The following SOX5 variants were observed in gnomAD, a reference collection of about 807,000 sequenced individuals.
SOX5 encodes the protein transcription factor SOX-5.
A neutral mutation model predicts 92.0 loss-of-function variants in SOX5; 9 were observed. The observed-to-expected ratio is 0.10, with a 90% CI of 0.06 to 0.17. SOX5 has a LOEUF of 0.17. Among genes scored for constraint, SOX5 ranks in the 10% least tolerant of loss-of-function variants. SOX5 has a pLI of 1.00. For missense variants in SOX5, 642 were observed against 944.5 expected (o/e 0.68, Z 4.20); for synonymous variants, 344 against 336.3 (o/e 1.02, Z -0.25).
In SOX5 at chr12:23,536,701, G is replaced by T. The variant is rs1940546920; in HGVS notation, c.1772-32C>A. 5.3e-6 allele frequency: 8 copies of T among 1,520,118 alleles called. No individual in the cohort carries two copies. The African/African-American group carries it at 5.5e-5, about 10-fold the overall frequency. The allele number at this position is 1,520,118 out of a possible 1,614,324, so 94.2% of individuals were successfully genotyped here. ...AGAAAGGAGGTTAGGATTCCAATTT[G>T]CACAGCTTCTAAGCATTCCAGAAAG... On this transcript the variant is annotated intron_variant, in intron 13 of 14. Coordinates refer to ENST00000451604, the MANE Select transcript of SOX5 (RefSeq NM_006940.6).
At chr12:23,546,742 GT>G (rs1943212765) in intron 11 of SOX5, among the ~76,000 whole-genome samples, 1 of 152,120 alleles carries the variant, frequency 6.6e-6, no homozygotes, top group African/African-American at 2.4e-5. Flanking sequence ...GAAGCAACCT[GT>G]TTTACATTTG....
At chr12:24,077,312 G>A (rs1488844681) in intron 4 of SOX5, among the ~76,000 whole-genome samples, 1 of 152,070 alleles carries the variant, frequency 6.6e-6, no homozygotes, top group Non-Finnish European at 1.5e-5. Context: ...ACACATTCAA[G>A]GGCTTTTCTG....
intron 2 of SOX5, among the ~76,000 whole-genome samples, chr12:23,880,858 A>T (rs900388390): frequency 1.3e-5 from 2 of 152,218 alleles, no homozygotes; most frequent in African/African-American, 4.8e-5. Flanking sequence ...GATTAAAATG[A>T]AATGCTCACA....
chr12:24,483,222 A>G (rs1188064699), intron 1 of SOX5, among the ~76,000 whole-genome samples: 1 of 152,170 alleles, frequency 6.6e-6, no homozygotes, highest in Admixed American at 6.5e-5. Context: ...TGTTTTGAAG[A>G]TAATGTTTCT....
At chr12:24,451,310 C>T (rs932869355) in intron 1 of SOX5, among the ~76,000 whole-genome samples, 1 of 152,088 alleles carries the variant, frequency 6.6e-6, no homozygotes, top group African/African-American at 2.4e-5. Context: ...TGGATATATA[C>T]CCAGCAGTGG....
rs77497616 is a variant in SOX5 at position 24,066,742 on chromosome 12, T to C, written c.-2+146601A>G. ...TTCACAATCATTCTTAAAAATGTTTTAAGGAACATAAGCAGGAAAATATTA... is the reference window on the plus strand; with the variant it reads ...TTCACAATCATTCTTAAAAATGTTTCAAGGAACATAAGCAGGAAAATATTA... On this transcript the variant is annotated intron_variant, in intron 4 of 4. Transcript: ENST00000446891. Among the ~76,000 whole-genome samples the C allele has an allele frequency of 6.1e-3, 923 of 152,310 alleles. 10 individuals are homozygous for C. Among genetic ancestry groups the C allele is most frequent in the South Asian group, 0.034 (164 of 4,824 alleles).
intron 4 of SOX5, among the ~76,000 whole-genome samples, chr12:23,992,749 C>T (rs1242510202): frequency 2.0e-5 from 3 of 152,032 alleles, no homozygotes; most frequent in South Asian, 4.1e-4. Context: ...AACTTTTAAA[C>T]ACCAAAAAAG....
intron 1 of SOX5, among the ~76,000 whole-genome samples, chr12:24,470,299 CAA>C (rs1944667534): frequency 6.6e-6 from 1 of 152,132 alleles, no homozygotes; most frequent in African/African-American, 2.4e-5. Context: ...GGACCATAAA[CAA>C]AGGCCAGTTG....
intron 2 of SOX5, among the ~76,000 whole-genome samples, chr12:24,352,283 T>C (rs577869510): frequency 5.3e-5 from 8 of 152,352 alleles, no homozygotes; most frequent in African/African-American, 1.9e-4. Flanking sequence ...TAACGAGTTC[T>C]CTCTACTTGA....
At chr12:23,745,341 A>T (rs950590278) in intron 4 of SOX5, among the ~76,000 whole-genome samples, 1 of 152,040 alleles carries the variant, frequency 6.6e-6, no homozygotes, top group African/African-American at 2.4e-5. Flanking sequence ...TCATCAATTG[A>T]TCTCTGTACA....
intron 2 of SOX5, among the ~76,000 whole-genome samples, chr12:24,354,378 G>C (rs1328407992): frequency 6.6e-6 from 1 of 152,270 alleles, no homozygotes; most frequent in Non-Finnish European, 1.5e-5. Context: ...GCAGAAGGTG[G>C]GGGAGAAGGA....
intron 4 of SOX5, among the ~76,000 whole-genome samples, chr12:24,005,846 TG>T: frequency 6.6e-6 from 1 of 152,306 alleles, no homozygotes; most frequent in East Asian, 1.9e-4. Context: ...TAGCAAAATG[TG>T]CATTTGTTCC....
chr12:23,578,642 T>C (rs946596056), intron 9 of SOX5, among the ~76,000 whole-genome samples: 2 of 152,176 alleles, frequency 1.3e-5, no homozygotes, highest in Non-Finnish European at 2.9e-5. Context: ...AAATTGAATG[T>C]TACTGAGATT....
intron 2 of SOX5, among the ~76,000 whole-genome samples, chr12:23,886,074 C>T (rs1443972002): frequency 1.3e-5 from 2 of 152,042 alleles, no homozygotes; most frequent in South Asian, 2.1e-4. Flanking sequence ...ATTTTTAGTT[C>T]TGATTGTATT....
At position 23,740,948 on chromosome 12, in the gene SOX5, G is replaced by A. The variant is rs770897908; in HGVS notation, c.660C>T (p.His220=). ...AGGCAGCTAGTTTCTTCTGCTCATC[G>A]TGGGCAGCCAACAGCTGCTCTCGGA... ...TSLREQLLAA[H]DEQKKLAASQ... is the part of the protein sequence containing the mutation. The change falls in exon 5 of 15, where the codon CAC becomes CAT. Residue 220 remains histidine (H), a synonymous_variant. Transcript: ENST00000451604. 1.2e-5 allele frequency: 19 copies of A among 1,612,284 alleles called. No individual in the cohort carries two copies. Among genetic ancestry groups the A allele is most frequent in the Admixed American group, 1.0e-4 (6 of 59,890 alleles).
chr12:23,918,486 C>T (rs1303148790), intron 1 of SOX5, among the ~76,000 whole-genome samples: 1 of 152,078 alleles, frequency 6.6e-6, no homozygotes, highest in African/African-American at 2.4e-5. Flanking sequence ...AAATTTTGCC[C>T]AATAACTCAT....
At chr12:24,307,124 G>C (rs1948654625) in intron 2 of SOX5, among the ~76,000 whole-genome samples, 1 of 152,112 alleles carries the variant, frequency 6.6e-6, no homozygotes, top group African/African-American at 2.4e-5. Flanking sequence ...TGTAGTCCAA[G>C]CTTGGAACAG....
chr12:23,887,917 ATGTGTGTG>A (rs61356582), intron 2 of SOX5, among the ~76,000 whole-genome samples: 38 of 144,770 alleles, frequency 2.6e-4, no homozygotes, highest in East Asian at 1.4e-3. Context: ...CAGTGTGTAT[ATGTGTGTG>A]TGTGTGTGTG....
At chr12:23,979,992 GT>G (rs1949417575) in intron 4 of SOX5, among the ~76,000 whole-genome samples, 1 of 151,196 alleles carries the variant, frequency 6.6e-6, no homozygotes, top group South Asian at 2.1e-4. Context: ...TAGATAGATA[GT>G]AGAGACAGAA....
Sources: gnomAD v4.1 joint callset for allele counts (sites outside exome capture counted in the v4.1 genomes callset) on GRCh38, gnomAD v4.1.1 for gene constraint, MANE v1.5 for transcripts, NCBI Gene and HGNC (gene_info 2026-07-23, HGNC 2026-07-21) for gene names.